Variants in PEAK1 observed in about 807,000 individuals in gnomAD.
PEAK1 encodes the protein pseudopodium enriched atypical kinase 1.
PEAK1 carries 54 observed loss-of-function variants against 124.7 expected under a neutral mutation model. That is an observed-to-expected ratio of 0.43 (90% CI 0.35 to 0.54). PEAK1 has a LOEUF of 0.54. PEAK1 is among the 20% of genes least tolerant of loss of function. PEAK1 has a pLI of 0.01. For synonymous variants in PEAK1, 719 were observed against 760.0 expected, an observed-to-expected ratio of 0.95 and a Z score of 0.89; for missense variants, 2,046 against 2,134.5, an observed-to-expected ratio of 0.96 and a Z score of 0.82.
At chr15:77,272,482 C>T (rs952453431) in intron 5 of PEAK1, among the ~76,000 whole-genome samples, 12 of 152,096 alleles carry the variant, frequency 7.9e-5, no homozygotes, top group Non-Finnish European at 1.5e-4. Context: ...ACTATGAACA[C>T]CTCTATGCGC....
intron 2 of PEAK1, among the ~76,000 whole-genome samples, chr15:77,319,685 T>C (rs569731636): frequency 6.6e-6 from 1 of 152,272 alleles, no homozygotes; most frequent in South Asian, 2.1e-4. Context: ...AAAATAAAAA[T>C]ATTGAATGTG....
intron 5 of PEAK1, among the ~76,000 whole-genome samples, chr15:77,261,063 T>G (rs1026235106): frequency 1.3e-5 from 2 of 152,324 alleles, no homozygotes; most frequent in African/African-American, 4.8e-5. Context: ...CTGAGGGTCC[T>G]GACTGTTAGA....
intron 6 of PEAK1, among the ~76,000 whole-genome samples, chr15:77,223,886 AT>A (rs10719377): frequency 0.31 from 37,883 of 121,582 alleles, 5,104 homozygotes; most frequent in Middle Eastern, 0.36. Context: ...CATTTGAGAG[AT>A]TTTTTTTTTT....
At chr15:77,233,150 C>T (rs2059978514) in intron 6 of PEAK1, among the ~76,000 whole-genome samples, 1 of 152,154 alleles carries the variant, frequency 6.6e-6, no homozygotes, top group African/African-American at 2.4e-5. Context: ...ATAATTTTCC[C>T]TTGTACTCCG....
Position 77,408,086 on chromosome 15 carries a change from T to C in PEAK1, c.-666+11920A>G, listed in dbSNP as rs566058623. 8.0e-5 allele frequency among the ~76,000 whole-genome samples: 12 copies of C among 150,262 alleles called. 1 individual carries two copies. In the South Asian group the frequency reaches 2.5e-3, roughly 31 times the overall value. On this transcript the variant is annotated intron_variant, in intron 1 of 9. Transcript: ENST00000682557. ...ATACACATATATACATATATACACA[T>C]ATATACACACACATATATACATATA... is the stretch of plus-strand genomic sequence containing the variant.
chr15:77,395,614 T>C (rs1475699801), intron 1 of PEAK1, among the ~76,000 whole-genome samples: 1 of 152,120 alleles, frequency 6.6e-6, no homozygotes, highest in African/African-American at 2.4e-5. Context: ...CGGGAGACTT[T>C]TCAGTGGAAA....
intron 2 of PEAK1, chr15:77,333,029 C>T (rs2065987872): frequency 2.1e-6 from 2 of 954,038 alleles, no homozygotes; most frequent in Admixed American, 6.2e-5. Context: ...GCTCTTCATA[C>T]ATTAAAGGTG....
chr15:77,160,214 G>T (rs1181485898), intron 7 of PEAK1, among the ~76,000 whole-genome samples: 1 of 152,104 alleles, frequency 6.6e-6, no homozygotes, highest in Non-Finnish European at 1.5e-5. Flanking sequence ...ACGCATTAGG[G>T]AAGACAAAAC....
At chr15:77,206,173 T>C (rs1354302378) in intron 6 of PEAK1, among the ~76,000 whole-genome samples, 91 of 129,124 alleles carry the variant, frequency 7.0e-4, no homozygotes, top group African/African-American at 2.6e-3. Context: ...TTTTTATGGC[T>C]GCATAGTATT....
At chr15:77,314,879 G>A (rs1361497956) in intron 2 of PEAK1, among the ~76,000 whole-genome samples, 2 of 152,082 alleles carry the variant, frequency 1.3e-5, no homozygotes, top group African/African-American at 4.8e-5. Flanking sequence ...GACGACCCAT[G>A]GGAATAACAG....
intron 1 of PEAK1, among the ~76,000 whole-genome samples, chr15:77,414,253 AGG>A: frequency 1.6e-5 from 1 of 64,408 alleles, no homozygotes; most frequent in Non-Finnish European, 3.8e-5. Context: ...TCTGTCACCC[AGG>A]CTGGAGTGCA....
intron 8 of PEAK1, among the ~76,000 whole-genome samples, chr15:77,146,618 A>C (rs1182640556): frequency 6.6e-6 from 1 of 152,208 alleles, no homozygotes; most frequent in Non-Finnish European, 1.5e-5. Flanking sequence ...ATTTCTTTTT[A>C]AATAGAAATA....
intron 1 of PEAK1, among the ~76,000 whole-genome samples, chr15:77,375,015 C>CA (rs1291140950): frequency 1.3e-5 from 2 of 152,018 alleles, no homozygotes; most frequent in African/African-American, 4.8e-5. Flanking sequence ...TGATGTATTT[C>CA]AACTTTAAGA....
intron 2 of PEAK1, chr15:77,331,077 T>C: frequency 1.5e-5 from 11 of 742,558 alleles, no homozygotes; most frequent in Non-Finnish European, 1.8e-5. Flanking sequence ...ATTATAGACA[T>C]ATACTATGTA....
At chr15:77,227,116 A>C (rs2059712318) in intron 6 of PEAK1, among the ~76,000 whole-genome samples, 1 of 152,226 alleles carries the variant, frequency 6.6e-6, no homozygotes, top group Non-Finnish European at 1.5e-5. Context: ...AAACATCTGA[A>C]ACAGTTCAGG....
chr15:77,114,842 G>A lies in PEAK1; in HGVS notation c.4555C>T (p.Leu1519=), dbSNP rs1236638572. ...PYHVTHCDLR[L]ENLLLVHYQP... ...TAGTGGACAAGTAGCAGGTTCTCTA[G>A]GCGTAGATCGCAGTGAGTGACATGG... is the stretch of plus-strand genomic sequence containing the variant. Residue 1519 remains leucine (L), a synonymous_variant, in exon 10 of 10, where the codon CTA becomes TTA. Transcript: ENST00000682557. 1 of 1,613,416 alleles carries A rather than the reference G, an allele frequency of 6.2e-7. No individual in the cohort carries two copies. Among genetic ancestry groups the A allele is most frequent in the African/African-American group, 1.3e-5 (1 of 74,890 alleles).
chr15:77,251,203 C>T (rs2060865270), intron 6 of PEAK1, among the ~76,000 whole-genome samples: 1 of 152,096 alleles, frequency 6.6e-6, no homozygotes, highest in African/African-American at 2.4e-5. Context: ...ATATTTGAAT[C>T]TTTACAAAAC....
At chr15:77,260,616 A>G (rs2152937561) in intron 5 of PEAK1, among the ~76,000 whole-genome samples, 1 of 152,350 alleles carries the variant, frequency 6.6e-6, no homozygotes, top group East Asian at 1.9e-4. Context: ...GAGACAAATG[A>G]ATATTTCACT....
intron 8 of PEAK1, among the ~76,000 whole-genome samples, chr15:77,150,528 ACACTTT>A (rs1224058264): frequency 6.6e-6 from 1 of 152,156 alleles, no homozygotes; most frequent in Non-Finnish European, 1.5e-5. Flanking sequence ...TATTTTTATT[ACACTTT>A]AAGTTTTAGG....
Sources: gnomAD v4.1 joint callset for allele counts (sites outside exome capture counted in the v4.1 genomes callset) on GRCh38, gnomAD v4.1.1 for gene constraint, MANE v1.5 for transcripts, NCBI Gene and HGNC (gene_info 2026-07-23, HGNC 2026-07-21) for gene names.